Variants in GRIK2 observed in about 807,000 individuals in gnomAD.
GRIK2 encodes the protein glutamate ionotropic receptor kainate type subunit 2.
Under a neutral mutation model 100.3 loss-of-function variants are expected in GRIK2, and 32 were observed. The observed-to-expected ratio is 0.32, with a 90% CI of 0.24 to 0.43. The LOEUF is 0.43. Ranked by LOEUF, GRIK2 falls within the 20% of genes least tolerant of loss-of-function variation. GRIK2 has a pLI of 1.00. For synonymous variants in GRIK2, 417 were observed against 389.4 expected (o/e 1.07, Z -0.83); for missense variants, 843 against 1,114.9 (o/e 0.76, Z 3.47).
chr6:101,565,959 A>ATATATATATATAT (rs71547433), intron 2 of GRIK2, among the ~76,000 whole-genome samples: 10 of 143,448 alleles, frequency 7.0e-5, no homozygotes, highest in South Asian at 2.2e-4. Context: ...ATATATATAT[A>ATATATATATATAT]AGCAAACTAG....
chr6:101,516,066 C>T (rs1314707074), intron 2 of GRIK2, among the ~76,000 whole-genome samples: 1 of 151,902 alleles, frequency 6.6e-6, no homozygotes, highest in Non-Finnish European at 1.5e-5. Flanking sequence ...GGTTTAAGTC[C>T]TTAATCCATC....
At chr6:101,640,614 T>C (rs1781236984) in intron 4 of GRIK2, among the ~76,000 whole-genome samples, 1 of 152,150 alleles carries the variant, frequency 6.6e-6, no homozygotes, top group Admixed American at 6.6e-5. Flanking sequence ...ATTTTTACTA[T>C]AGTATAACCC....
At chr6:101,927,932 T>A (rs1790010700) in intron 13 of GRIK2, 1 of 157,362 alleles carries the variant, frequency 6.4e-6, no homozygotes, top group South Asian at 1.8e-4. Context: ...ACGTAACTTT[T>A]AAAAATAACA....
intron 4 of GRIK2, among the ~76,000 whole-genome samples, chr6:101,638,659 A>T (rs2128323437): frequency 6.6e-6 from 1 of 152,220 alleles, no homozygotes; most frequent in East Asian, 1.9e-4. Flanking sequence ...AAACCAAAGA[A>T]GACTATTGTG....
intron 14 of GRIK2, among the ~76,000 whole-genome samples, chr6:102,001,130 A>C (rs1308823341): frequency 2.6e-5 from 4 of 152,062 alleles, no homozygotes; most frequent in Admixed American, 2.6e-4. Context: ...TTAGTTAATC[A>C]AAAACCCAAA....
intron 2 of GRIK2, among the ~76,000 whole-genome samples, chr6:101,441,672 T>C (rs535180259): frequency 6.6e-6 from 1 of 152,186 alleles, no homozygotes; most frequent in African/African-American, 2.4e-5. Flanking sequence ...GGGGTATGTG[T>C]GCAGGGTTTG....
rs77143199 is a variant in GRIK2 at position 101,536,330 on chromosome 6, G to A, written c.116-85619G>A. ...ATGCAATTTTCAAGAATGATTTAAG[G>A]CGTATCTCTTTTTTTTGTTCCAGCA... On this transcript the variant is annotated intron_variant, in intron 2 of 16. Transcript: ENST00000369134. 7.7e-3 allele frequency among the ~76,000 whole-genome samples: 1,173 copies of A among 151,550 alleles called. 7 individuals carry two copies. Among genetic ancestry groups the A allele is most frequent in the African/African-American group, 0.021 (869 of 41,362 alleles).
At chr6:102,032,354 C>T (rs975285328) in intron 14 of GRIK2, among the ~76,000 whole-genome samples, 1 of 151,072 alleles carries the variant, frequency 6.6e-6, no homozygotes, top group Non-Finnish European at 1.5e-5. Context: ...TACAAGAATT[C>T]GGCAGTAAAT....
chr6:101,777,637 A>G (rs1257687370), intron 7 of GRIK2, among the ~76,000 whole-genome samples: 2 of 152,180 alleles, frequency 1.3e-5, no homozygotes, highest in African/African-American at 4.8e-5. Flanking sequence ...AAGTCAGTGA[A>G]AGATCCAGAA....
chr6:101,549,143 G>T (rs962841640), intron 2 of GRIK2, among the ~76,000 whole-genome samples: 3 of 152,096 alleles, frequency 2.0e-5, no homozygotes, highest in Non-Finnish European at 4.4e-5. Flanking sequence ...GATTCTTTTT[G>T]TCAGGCACTG....
chr6:101,471,772 TA>T (rs1251323042), intron 2 of GRIK2, among the ~76,000 whole-genome samples: 2 of 152,004 alleles, frequency 1.3e-5, no homozygotes, highest in Non-Finnish European at 2.9e-5. Context: ...TAAGCATGTA[TA>T]TGTTAACAAA....
intron 2 of GRIK2, among the ~76,000 whole-genome samples, chr6:101,584,754 G>A (rs1020764403): frequency 3.3e-5 from 5 of 151,944 alleles, no homozygotes; most frequent in African/African-American, 9.7e-5. Flanking sequence ...GAAAGAGAAG[G>A]AACTGGCATT....
At chr6:101,721,989 A>G (rs923260576) in intron 7 of GRIK2, among the ~76,000 whole-genome samples, 5 of 151,962 alleles carry the variant, frequency 3.3e-5, no homozygotes, top group African/African-American at 9.7e-5. Context: ...TGTCAACTCT[A>G]AAAATACTTT....
intron 2 of GRIK2, among the ~76,000 whole-genome samples, chr6:101,539,169 GCTT>G (rs1182659333): frequency 6.6e-6 from 1 of 151,608 alleles, no homozygotes; most frequent in Non-Finnish European, 1.5e-5. Context: ...AAAAATAAAA[GCTT>G]CTGAAGGCCA....
At chr6:101,548,965 T>C (rs1776381081) in intron 2 of GRIK2, among the ~76,000 whole-genome samples, 1 of 152,176 alleles carries the variant, frequency 6.6e-6, no homozygotes, top group South Asian at 2.1e-4. Flanking sequence ...CTTCCTTATT[T>C]TGATCTCTTG....
At chr6:101,869,289 T>A (rs975830364) in intron 11 of GRIK2, among the ~76,000 whole-genome samples, 3 of 151,922 alleles carry the variant, frequency 2.0e-5, no homozygotes, top group African/African-American at 7.3e-5. Flanking sequence ...TTTTCACATC[T>A]TTTCTCCTAA....
chr6:101,438,306 T>C (rs1049872102), intron 2 of GRIK2, among the ~76,000 whole-genome samples: 1 of 152,256 alleles, frequency 6.6e-6, no homozygotes, highest in East Asian at 1.9e-4. Context: ...TTTTTTGTCT[T>C]GATCTTAGCC....
intron 7 of GRIK2, among the ~76,000 whole-genome samples, chr6:101,776,247 G>T (rs1383889263): frequency 6.6e-6 from 1 of 152,122 alleles, no homozygotes; most frequent in Non-Finnish European, 1.5e-5. Context: ...AATTTGCTAG[G>T]ATATGAACAC....
intron 7 of GRIK2, among the ~76,000 whole-genome samples, chr6:101,795,570 C>T (rs1293057405): frequency 6.6e-6 from 1 of 152,180 alleles, no homozygotes; most frequent in Non-Finnish European, 1.5e-5. Flanking sequence ...TGGTGAATTC[C>T]TGGGCCCCTA....
Sources: allele counts gnomAD v4.1 joint callset (sites outside exome capture counted in the v4.1 genomes callset), GRCh38; gene constraint gnomAD v4.1.1; transcripts MANE v1.5; gene names NCBI Gene and HGNC (gene_info 2026-07-23, HGNC 2026-07-21).